CNTN4: variants seen among roughly 807,000 people sequenced by gnomAD.
CNTN4 encodes the protein contactin 4.
Under a neutral mutation model 122.5 loss-of-function variants are expected in CNTN4, and 77 were observed. The ratio of observed to expected loss-of-function variants is 0.63; its 90% CI spans 0.52 to 0.76. The LOEUF (loss-of-function observed/expected upper bound fraction) is 0.76, where lower values mean the gene tolerates loss of function less well. Ranked by LOEUF, CNTN4 falls within the 30% of genes least tolerant of loss-of-function variation. CNTN4 has a pLI of 0.00. For missense variants in CNTN4, 1,256 were observed against 1,259.1 expected, an observed-to-expected ratio of 1.00 and a Z score of 0.04; for synonymous variants, 512 against 447.0, an observed-to-expected ratio of 1.15 and a Z score of -1.83.
intron 2 of CNTN4, among the ~76,000 whole-genome samples, chr3:2,168,126 A>G (rs2036283271): frequency 6.6e-6 from 1 of 152,218 alleles, no homozygotes. Flanking sequence ...TGACAGAGTA[A>G]GACCTTGCCT....
At chr3:2,643,085 C>G (rs962295606) in intron 4 of CNTN4, among the ~76,000 whole-genome samples, 1 of 152,234 alleles carries the variant, frequency 6.6e-6, no homozygotes, top group African/African-American at 2.4e-5. Context: ...ACGCTAAACT[C>G]TATCATCTCT....
At chr3:2,962,824 A>G (rs1042926856) in intron 13 of CNTN4, among the ~76,000 whole-genome samples, 1 of 152,248 alleles carries the variant, frequency 6.6e-6, no homozygotes, top group African/African-American at 2.4e-5. Context: ...AACAATTAAA[A>G]TAATGTTGAA....
chr3:2,334,698 C>G (rs2043874004), intron 2 of CNTN4, among the ~76,000 whole-genome samples: 1 of 152,172 alleles, frequency 6.6e-6, no homozygotes, highest in Non-Finnish European at 1.5e-5. Context: ...TGATCACATA[C>G]ACATTTGTTG....
At chr3:2,480,003 G>A (rs982082444) in intron 3 of CNTN4, among the ~76,000 whole-genome samples, 1 of 151,770 alleles carries the variant, frequency 6.6e-6, no homozygotes, top group Non-Finnish European at 1.5e-5. Flanking sequence ...ACATCAGTAG[G>A]CTAAAGAAGA....
intron 14 of CNTN4, among the ~76,000 whole-genome samples, chr3:3,007,359 A>C (rs1026948762): frequency 6.6e-6 from 1 of 152,202 alleles, no homozygotes; most frequent in Admixed American, 6.5e-5. Flanking sequence ...GTGATTTCTC[A>C]TGTATCTGAT....
intron 3 of CNTN4, among the ~76,000 whole-genome samples, chr3:2,361,269 G>C (rs1037811036): frequency 6.6e-6 from 1 of 152,172 alleles, no homozygotes; most frequent in African/African-American, 2.4e-5. Context: ...AGGAATATTT[G>C]TATTAATACA....
At chr3:2,296,113 A>G (rs1432667278) in intron 2 of CNTN4, among the ~76,000 whole-genome samples, 1 of 152,108 alleles carries the variant, frequency 6.6e-6, no homozygotes, top group Non-Finnish European at 1.5e-5. Flanking sequence ...AGGTAGCGTG[A>G]TGCCTCCAAC....
chr3:2,416,467 G>C (rs2047416467), intron 3 of CNTN4, among the ~76,000 whole-genome samples: 1 of 152,104 alleles, frequency 6.6e-6, no homozygotes, highest in South Asian at 2.1e-4. Context: ...ACCATCTTGT[G>C]TTACATATGA....
At chr3:2,339,256 T>C (rs1252042282) in intron 3 of CNTN4, 23 bp downstream of exon 3, 4 of 152,176 alleles carry the variant, frequency 2.6e-5, no homozygotes, top group Non-Finnish European at 4.4e-5. Flanking sequence ...CAAGGGAAGA[T>C]TTTCCTTATG....
chr3:2,316,026 C>A (rs145492884), intron 2 of CNTN4, among the ~76,000 whole-genome samples: 1 of 151,922 alleles, frequency 6.6e-6, no homozygotes, highest in African/African-American at 2.4e-5. Context: ...ATATTGTTAC[C>A]GTTTCTTCAC....
At chr3:2,672,863 C>G (rs1220881246) in intron 4 of CNTN4, among the ~76,000 whole-genome samples, 2 of 152,190 alleles carry the variant, frequency 1.3e-5, no homozygotes, top group East Asian at 3.9e-4. Flanking sequence ...AACCATCCAG[C>G]TACTGGTTTA....
At chr3:3,027,517 T>C (rs1344249107) in intron 15 of CNTN4, among the ~76,000 whole-genome samples, 1 of 152,160 alleles carries the variant, frequency 6.6e-6, no homozygotes, top group African/African-American at 2.4e-5. Context: ...TCCTGAGGTC[T>C]AGGAAAGTAC....
intron 3 of CNTN4, among the ~76,000 whole-genome samples, chr3:2,353,861 C>T (rs919988284): frequency 3.3e-5 from 5 of 151,580 alleles, no homozygotes; most frequent in South Asian, 2.1e-4. Flanking sequence ...ATGGCGCCAC[C>T]GCACTCCAGC....
intron 6 of CNTN4, among the ~76,000 whole-genome samples, chr3:2,775,716 C>T (rs968448243): frequency 6.6e-6 from 1 of 152,326 alleles, no homozygotes; most frequent in East Asian, 1.9e-4. Context: ...CCACCACACC[C>T]AGCCCATTTA....
At chr3:2,606,218 T>C (rs2081252112) in intron 4 of CNTN4, among the ~76,000 whole-genome samples, 1 of 152,186 alleles carries the variant, frequency 6.6e-6, no homozygotes, top group African/African-American at 2.4e-5. Flanking sequence ...GGAAGAATTT[T>C]AGATTGTCGT....
At chr3:2,768,413 T>A (rs9868989) in intron 6 of CNTN4, among the ~76,000 whole-genome samples, 123,077 of 152,226 alleles carry the variant, frequency 0.81, 51,103 homozygotes, top group Non-Finnish European at 0.9. Context: ...ATTTGTTAAC[T>A]ACAAATTGTC....
chr3:2,889,293 G>A (rs568484200), intron 10 of CNTN4, among the ~76,000 whole-genome samples: 3 of 152,116 alleles, frequency 2.0e-5, no homozygotes, highest in Non-Finnish European at 2.9e-5. Context: ...GATGAGCTGG[G>A]CAGTAGCTGT....
chr3:2,664,481 A>G (rs1359148921), intron 4 of CNTN4, among the ~76,000 whole-genome samples: 2 of 152,080 alleles, frequency 1.3e-5, no homozygotes, highest in Non-Finnish European at 2.9e-5. Context: ...AGTAAGTTGG[A>G]GAAGTTTTAT....
intron 3 of CNTN4, among the ~76,000 whole-genome samples, chr3:2,402,205 C>T (rs1365487706): frequency 6.6e-6 from 1 of 152,112 alleles, no homozygotes; most frequent in Non-Finnish European, 1.5e-5. Context: ...GGGATTTTAT[C>T]ATATCCCCAA....
Sources: gnomAD v4.1 joint callset for allele counts (sites outside exome capture counted in the v4.1 genomes callset) on GRCh38, gnomAD v4.1.1 for gene constraint, MANE v1.5 for transcripts, NCBI Gene and HGNC (gene_info 2026-07-23, HGNC 2026-07-21) for gene names.